Variants in NBEAL1 observed in about 807,000 individuals in gnomAD.
NBEAL1 encodes neurobeachin like 1, also known as neurobeachin-like protein 1.
A neutral mutation model predicts 351.3 loss-of-function variants in NBEAL1; 273 were observed. The observed-to-expected ratio is 0.78, with a 90% CI of 0.70 to 0.86. The LOEUF (loss-of-function observed/expected upper bound fraction) is 0.86. Ranked by LOEUF, NBEAL1 falls within the 40% of genes least tolerant of loss-of-function variation. NBEAL1 has a pLI of 0.00. For missense variants in NBEAL1, 2,961 were observed against 3,201.3 expected (o/e 0.92, Z 1.81); for synonymous variants, 1,050 against 1,086.4 (o/e 0.97, Z 0.66).
chr2:203,069,765 C>G (rs1379214069), intron 7 of NBEAL1, among the ~76,000 whole-genome samples: 1 of 152,078 alleles, frequency 6.6e-6, no homozygotes, highest in Non-Finnish European at 1.5e-5. Flanking sequence ...TCAGGTGGTC[C>G]TCTCACCTCA....
At chr2:203,049,755 C>A in intron 3 of NBEAL1, 59 bp from the exon 4 acceptor site, 1 of 1,399,648 alleles carries the variant, frequency 7.1e-7, no homozygotes, top group Non-Finnish European at 9.6e-7. Flanking sequence ...CATTTAAATG[C>A]CAGAGATTTT....
intron 42 of NBEAL1, among the ~76,000 whole-genome samples, chr2:203,175,521 G>C (rs1200054672): frequency 6.6e-6 from 1 of 152,082 alleles, no homozygotes; most frequent in East Asian, 1.9e-4. Flanking sequence ...TTACTGTTTT[G>C]AGGAATCTAC....
intron 19 of NBEAL1, among the ~76,000 whole-genome samples, 200 bp downstream of exon 19, chr2:203,122,543 T>C (rs747203235): frequency 1.1e-4 from 16 of 152,226 alleles, no homozygotes; most frequent in Non-Finnish European, 2.1e-4. Flanking sequence ...TGAAGTATAG[T>C]TACCTTTGTA....
intron 34 of NBEAL1, among the ~76,000 whole-genome samples, chr2:203,150,204 G>A (rs780644563): frequency 9.9e-5 from 15 of 152,026 alleles, no homozygotes; most frequent in Non-Finnish European, 1.5e-4. Flanking sequence ...CAATTTCTCC[G>A]CATTCTTACT....
At chr2:203,101,307 G>A (rs2062313840) in intron 12 of NBEAL1, among the ~76,000 whole-genome samples, 1 of 152,148 alleles carries the variant, frequency 6.6e-6, no homozygotes, top group Admixed American at 6.5e-5. Context: ...TTGGATGGCT[G>A]TAGGTGTGCA....
chr2:203,211,061 T>A lies in NBEAL1; in HGVS notation c.7889T>A (p.Val2630Asp), dbSNP rs1222595615. 2 of 1,607,562 alleles carry A rather than the reference T, an allele frequency of 1.2e-6. No homozygotes were observed. Among genetic ancestry groups the A allele is most frequent in the Non-Finnish European group, 1.7e-6 (2 of 1,176,600 alleles). ...SDICIIGEHI[V>D]TGSIQGFLSI... ...ATATGTATAATCGGAGAACACATTG[T>A]CACAGGCAGCATACAAGGATTCCTG... Residue 2630 changes from valine to aspartate, a missense_variant, in exon 54 of 56, where the codon GTC (valine) becomes GAC (aspartate). Val to Asp is a radical substitution (Grantham distance 152). Coordinates refer to ENST00000683969, the MANE Select transcript of NBEAL1 (RefSeq NM_001378026.1).
intron 9 of NBEAL1, 49 bp from the exon 10 acceptor site, chr2:203,084,414 A>T: frequency 1.0e-6 from 1 of 956,692 alleles, no homozygotes; most frequent in South Asian, 2.0e-5. Context: ...TGTTTGTATG[A>T]TCCCAAATTT....
At chr2:203,045,406 A>T (rs1422550495) in intron 3 of NBEAL1, among the ~76,000 whole-genome samples, 2 of 152,178 alleles carry the variant, frequency 1.3e-5, no homozygotes, top group Non-Finnish European at 2.9e-5. Flanking sequence ...AGCAGGAAAA[A>T]AAATATGTAT....
intron 42 of NBEAL1, among the ~76,000 whole-genome samples, chr2:203,178,367 A>G (rs1053325995): frequency 2.6e-5 from 4 of 151,984 alleles, no homozygotes; most frequent in African/African-American, 7.3e-5. Flanking sequence ...GGGTTTTGCC[A>G]TATTACCCAG....
chr2:203,047,877 G>T (rs1025950054), intron 3 of NBEAL1, among the ~76,000 whole-genome samples: 1 of 151,448 alleles, frequency 6.6e-6, no homozygotes, highest in Non-Finnish European at 1.5e-5. Flanking sequence ...CAAGTAGCTG[G>T]GACCACAGAC....
chr2:203,119,690 T>G (rs928133712), intron 18 of NBEAL1, among the ~76,000 whole-genome samples: 1 of 152,086 alleles, frequency 6.6e-6, no homozygotes, highest in African/African-American at 2.4e-5. Flanking sequence ...CCTCCCAAAG[T>G]GCTGGGATTA....
chr2:203,039,608 C>T (rs934817226), intron 2 of NBEAL1, among the ~76,000 whole-genome samples: 2 of 151,892 alleles, frequency 1.3e-5, no homozygotes, highest in Non-Finnish European at 1.5e-5. Context: ...TGGCCAGGCT[C>T]GTCTCAAACC....
rs2061799750 is a variant in NBEAL1 at position 203,077,623 on chromosome 2, C to T, written c.599-129C>T. On this transcript the variant is annotated intron_variant, in intron 7 of 55. Transcript: ENST00000683969. ...TTTCCTAAGACAAAATGCATATCAA[C>T]CTTGGCTTTTAACACAGATCAGCCT... 3 of 480,670 alleles carry T rather than the reference C, an allele frequency of 6.2e-6. No homozygotes were observed. In the East Asian group the frequency reaches 1.1e-4, roughly 18 times the overall value. 29.8% of individuals were successfully genotyped at this position (480,670 alleles called of 1,614,324 possible). A position where few individuals can be genotyped will look rare whatever the true frequency, so the allele number is the denominator to read the frequency against.
At chr2:203,109,218 G>A (rs1014376823) in intron 14 of NBEAL1, among the ~76,000 whole-genome samples, 40 of 152,200 alleles carry the variant, frequency 2.6e-4, no homozygotes, top group East Asian at 1.9e-4. Context: ...TTAGCTGGGC[G>A]TGGTGGCACA....
Position 203,107,752 on chromosome 2 carries a change from A to G in NBEAL1, c.1513A>G (p.Ile505Val), listed in dbSNP as rs2062468615. The change falls in exon 14 of 56, where the codon ATT becomes GTT. Residue 505 changes from isoleucine to valine, a missense_variant. Physicochemically the swap from Ile to Val is conservative, Grantham distance 29. Coordinates refer to ENST00000683969, the MANE Select transcript of NBEAL1 (RefSeq NM_001378026.1). ...TGATTGGCTGAAAAGAATTTGTTGT[A>G]TTAATAGACAGAGTCGAACTACTTG... Reference protein sequence around the residue: ...ISDWLKRICCINRQSRTTCVN... With the variant: ...ISDWLKRICCVNRQSRTTCVN... The G allele has an allele frequency of 2.6e-6, 4 of 1,553,908 alleles. No homozygotes were observed. The highest frequency in any genetic ancestry group is 3.5e-6 in the Non-Finnish European group (4 of 1,147,608).
At chr2:203,133,825 AATAT>A in intron 27 of NBEAL1, among the ~76,000 whole-genome samples, 1 of 151,486 alleles carries the variant, frequency 6.6e-6, no homozygotes, top group East Asian at 1.9e-4. Flanking sequence ...AGAAAAGAAA[AATAT>A]ATATATTTGT....
chr2:203,029,984 A>G (rs1032061611), intron 2 of NBEAL1, among the ~76,000 whole-genome samples: 1 of 152,206 alleles, frequency 6.6e-6, no homozygotes, highest in Non-Finnish European at 1.5e-5. Context: ...TAAGTAAACT[A>G]AAGCAAGATG....
chr2:203,084,360 T>C (rs1315731701), intron 9 of NBEAL1, 103 bp from the exon 10 acceptor site: 4 of 524,158 alleles, frequency 7.6e-6, no homozygotes, highest in Non-Finnish European at 1.3e-5. Context: ...ATACTGAACA[T>C]CAAAGTTGTT....
At chr2:203,215,638 A>C (rs1203113902) in intron 55 of NBEAL1, among the ~76,000 whole-genome samples, 1 of 151,984 alleles carries the variant, frequency 6.6e-6, no homozygotes, top group Non-Finnish European at 1.5e-5. Context: ...CAGTGAACCA[A>C]GATCGTGCCA....
Sources: gnomAD v4.1 joint callset for allele counts (sites outside exome capture counted in the v4.1 genomes callset) on GRCh38, gnomAD v4.1.1 for gene constraint, MANE v1.5 for transcripts, NCBI Gene and HGNC (gene_info 2026-07-23, HGNC 2026-07-21) for gene names.